The following WDR48 variants were observed in gnomAD, a reference collection of about 807,000 sequenced individuals.
WDR48 encodes WD repeat-containing protein 48.
Under a neutral mutation model 94.0 loss-of-function variants are expected in WDR48, and 22 were observed. That is an observed-to-expected ratio of 0.23 (90% CI 0.17 to 0.33). The LOEUF (loss-of-function observed/expected upper bound fraction) is 0.33. WDR48 is among the 10% of genes least tolerant of loss of function. WDR48 has a pLI of 1.00. For missense variants in WDR48, 541 were observed against 813.8 expected, an observed-to-expected ratio of 0.66 and a Z score of 4.08; for synonymous variants, 278 against 280.5, an observed-to-expected ratio of 0.99 and a Z score of 0.09.
intron 11 of WDR48, among the ~76,000 whole-genome samples, chr3:39,082,178 C>T (rs1315708333): frequency 6.6e-6 from 1 of 151,940 alleles, no homozygotes; most frequent in Non-Finnish European, 1.5e-5. Flanking sequence ...TGCACTAATA[C>T]AGGTGAAAGG....
At chr3:39,062,494 G>A (rs951929929) in intron 1 of WDR48, among the ~76,000 whole-genome samples, 1 of 152,166 alleles carries the variant, frequency 6.6e-6, no homozygotes, top group African/African-American at 2.4e-5. Context: ...GTCAGGGAAG[G>A]CCTTCTAAAG....
rs771548405 is a variant in WDR48 at position 39,084,210 on chromosome 3, G to A, written c.1229G>A (p.Arg410Lys). Residue 410 changes from arginine to lysine, a missense_variant, in exon 12 of 19, where the codon AGA becomes AAA. By Grantham distance (26) the Arg-to-Lys change is conservative (BLOSUM62 2). This residue lies in a region of WDR48 where 238 missense variants were observed against 285.3 expected (regional missense o/e 0.83). Transcript: ENST00000302313. ...GATTTTGAAGATGAAATTAAGAAAA[G>A]ATTTAAAATGGTGTATGTGCCAAAT... ...KVDFEDEIKK[R>K]FKMVYVPNWF... 6 of 1,612,714 alleles carry A rather than the reference G, an allele frequency of 3.7e-6. No individual in the cohort carries two copies. Among genetic ancestry groups the A allele is most frequent in the Non-Finnish European group, 5.1e-6 (6 of 1,179,178 alleles).
At chr3:39,065,926 A>C in intron 3 of WDR48, 37 bp downstream of exon 3, 1 of 1,504,408 alleles carries the variant, frequency 6.6e-7, no homozygotes, top group Non-Finnish European at 8.9e-7. Context: ...GGCTTCTGAT[A>C]TATTTTTTGT....
At chr3:39,092,880 C>CACACACACAT (rs773905841) in intron 17 of WDR48, among the ~76,000 whole-genome samples, 249 of 151,160 alleles carry the variant, frequency 1.6e-3, no homozygotes, top group Middle Eastern at 0.01. Flanking sequence ...TCTGTCTACA[C>CACACACACAT]ACACACACAC....
chr3:39,094,085 T>A lies in WDR48; in HGVS notation c.1938+19T>A. The A allele has an allele frequency of 6.3e-7, 1 of 1,597,330 alleles. No homozygotes were observed. Among genetic ancestry groups the A allele is most frequent in the South Asian group, 1.1e-5 (1 of 87,744 alleles). Reference sequence around the variant, plus strand: ...GGACCAGGTAAGTGGACTTGAGGACTACAGCCCCAATTTTTCCAGTGCTGG... The same window carrying A: ...GGACCAGGTAAGTGGACTTGAGGACAACAGCCCCAATTTTTCCAGTGCTGG... On this transcript the variant is annotated intron_variant, in intron 18 of 18. Coordinates refer to ENST00000302313, the MANE Select transcript of WDR48 (RefSeq NM_020839.4).
intron 12 of WDR48, 148 bp downstream of exon 12, chr3:39,084,410 A>G: frequency 3.2e-6 from 2 of 624,746 alleles, no homozygotes; most frequent in Non-Finnish European, 4.9e-6. Flanking sequence ...GGAATAAAAA[A>G]GAAAAAAACA....
chr3:39,093,632 G>A, intron 17 of WDR48, among the ~76,000 whole-genome samples: 1 of 152,134 alleles, frequency 6.6e-6, no homozygotes, highest in Non-Finnish European at 1.5e-5. Flanking sequence ...CACCACACCT[G>A]GCCTGTATAT....
chr3:39,084,284 G>A (rs750338132), intron 12 of WDR48, 22 bp downstream of exon 12: 13 of 1,504,502 alleles, frequency 8.6e-6, no homozygotes, highest in Non-Finnish European at 1.1e-5. Context: ...ATTGATACTT[G>A]TATGATTTGG....
intron 8 of WDR48, among the ~76,000 whole-genome samples, chr3:39,075,996 G>A (rs541854048): frequency 2.0e-5 from 3 of 152,180 alleles, no homozygotes; most frequent in South Asian, 2.1e-4. Context: ...ACACGTGGCC[G>A]GAAGTTTCCA....
At position 39,095,665 on chromosome 3, in the gene WDR48, G is replaced by A. The variant is rs2035300572; in HGVS notation, c.*922G>A. The A allele has an allele frequency of 6.6e-6, 1 of 152,242 alleles. No homozygotes were observed. The highest frequency in any genetic ancestry group is 1.5e-5 in the Non-Finnish European group (1 of 68,038). The allele number at this position is 152,242 out of a possible 1,614,324, so 9.4% of individuals were successfully genotyped here. On this transcript the variant is annotated 3_prime_UTR_variant, in exon 19 of 19. Coordinates refer to ENST00000302313, the MANE Select transcript of WDR48 (RefSeq NM_020839.4). ...TGTCAGAATAAAGGGAGATCATAGT[G>A]AGTTAATTTGATATTCATATCCTGG... is the stretch of plus-strand genomic sequence containing the variant.
chr3:39,094,164 C>T, intron 18 of WDR48, 98 bp downstream of exon 18: 1 of 1,500,024 alleles, frequency 6.7e-7, no homozygotes, highest in Non-Finnish European at 8.8e-7. Flanking sequence ...TTTAGAGGGG[C>T]TCTAAGGAGC....
Position 39,074,957 on chromosome 3 carries a change from CAT to C in WDR48, c.897+10_897+11del. The C allele has an allele frequency of 1.9e-6, 3 of 1,612,426 alleles. No homozygotes were observed. Among genetic ancestry groups the C allele is most frequent in the South Asian group, 1.1e-5 (1 of 90,874 alleles). Reference sequence around the variant, plus strand: ...AAAAGCACCAGTTCTCAAGGTATGTCATATGTTAATATTTTAGTTTTATAATT... The same window carrying C: ...AAAAGCACCAGTTCTCAAGGTATGTCATGTTAATATTTTAGTTTTATAATT... On this transcript the variant is annotated splice_region_variant and intron_variant, in intron 8 of 18. Transcript: ENST00000302313.
chr3:39,064,334 C>T (rs368024146), intron 2 of WDR48, among the ~76,000 whole-genome samples: 7 of 149,206 alleles, frequency 4.7e-5, no homozygotes, highest in Admixed American at 6.7e-5. Flanking sequence ...AGTGCAGTGG[C>T]GCGATCTTGG....
At chr3:39,073,328 C>G (rs1268850156) in intron 7 of WDR48, among the ~76,000 whole-genome samples, 1 of 152,178 alleles carries the variant, frequency 6.6e-6, no homozygotes, top group Admixed American at 6.5e-5. Flanking sequence ...GGTTATTAAA[C>G]TACTGATGCT....
At chr3:39,079,687 A>G in intron 10 of WDR48, 24 bp from the exon 11 acceptor site, 1 of 1,456,892 alleles carries the variant, frequency 6.9e-7, no homozygotes, top group Non-Finnish European at 9.3e-7. Flanking sequence ...TTGTTTTACC[A>G]ATTGTGTTTT....
rs1026403642 is a variant in WDR48, at chr3:39,074,776, G to A, written c.723G>A (p.Gln241=). The change falls in exon 8 of 19, where the codon CAG becomes CAA. Residue 241 remains glutamine (Q), a synonymous_variant. Transcript: ENST00000302313. ...DGTIRLWSLG[Q]QRCIATYRVH... Reference sequence around the variant, plus strand: ...CAATTCGCCTTTGGTCCCTTGGCCAGCAGAGATGTATAGCAACATACCGAG... The same window carrying A: ...CAATTCGCCTTTGGTCCCTTGGCCAACAGAGATGTATAGCAACATACCGAG... The A allele has an allele frequency of 2.5e-6, 4 of 1,614,224 alleles. No homozygotes were observed. Among genetic ancestry groups the A allele is most frequent in the Non-Finnish European group, 3.4e-6 (4 of 1,180,036 alleles).
chr3:39,065,331 G>C (rs1472979917), intron 2 of WDR48, among the ~76,000 whole-genome samples: 3 of 152,152 alleles, frequency 2.0e-5, no homozygotes, highest in Non-Finnish European at 2.9e-5. Flanking sequence ...GAAGCTGAAA[G>C]CAGAAGTGTT....
chr3:39,069,442 G>C (rs2125652138), intron 6 of WDR48, among the ~76,000 whole-genome samples: 1 of 152,336 alleles, frequency 6.6e-6, no homozygotes, highest in Non-Finnish European at 1.5e-5. Context: ...TGTGTATAGT[G>C]ACAAGATAAA....
chr3:39,084,628 G>GT lies in WDR48; in HGVS notation c.1282-11dup. The GT allele has an allele frequency of 6.2e-7, 1 of 1,609,770 alleles. No homozygotes were observed. The highest frequency in any genetic ancestry group is 8.5e-7 in the Non-Finnish European group (1 of 1,177,410). On this transcript the variant is annotated splice_polypyrimidine_tract_variant and intron_variant, in intron 12 of 18. Transcript: ENST00000302313. ...ATATATTCAAATGGGATGCCACTAAGTTTTTTCTTTTGATAGATGTTAACT... is the reference window on the plus strand; with the variant it reads ...ATATATTCAAATGGGATGCCACTAAGTTTTTTTCTTTTGATAGATGTTAACT...
Sources: allele counts gnomAD v4.1 joint callset (sites outside exome capture counted in the v4.1 genomes callset), GRCh38; gene constraint gnomAD v4.1.1; regional missense constraint gnomAD v4.1.1; transcripts MANE v1.5; gene names NCBI Gene and HGNC (gene_info 2026-07-23, HGNC 2026-07-21).